Variants in KCNIP4 observed in about 807,000 individuals in gnomAD.
KCNIP4 encodes potassium voltage-gated channel interacting protein 4.
A neutral mutation model predicts 34.0 loss-of-function variants in KCNIP4; 12 were observed. The ratio of observed to expected loss-of-function variants is 0.35; its 90% confidence interval spans 0.23 to 0.57. The LOEUF is 0.57. Ranked by LOEUF, KCNIP4 falls within the 20% of genes least tolerant of loss-of-function variation. The pLI, the probability that KCNIP4 is intolerant of heterozygous loss-of-function variation, is 0.83. For synonymous variants in KCNIP4, 124 were observed against 102.2 expected, an observed-to-expected ratio of 1.21 and a Z score of -1.29; for missense variants, 238 against 311.7, an observed-to-expected ratio of 0.76 and a Z score of 1.78.
At chr4:20,862,281 A>G (rs1722286897) in intron 2 of KCNIP4, among the ~76,000 whole-genome samples, 2 of 152,116 alleles carry the variant, frequency 1.3e-5, no homozygotes, top group South Asian at 4.2e-4. Context: ...CAGCCACTGC[A>G]CCTGGATGAG....
chr4:21,297,603 C>T (rs1441586723), intron 1 of KCNIP4, among the ~76,000 whole-genome samples: 1 of 152,092 alleles, frequency 6.6e-6, no homozygotes, highest in Non-Finnish European at 1.5e-5. Context: ...CATTTCGTCT[C>T]TCTGGGACTC....
intron 1 of KCNIP4, among the ~76,000 whole-genome samples, chr4:21,872,292 T>C (rs1725866357): frequency 2.0e-5 from 3 of 152,134 alleles, no homozygotes; most frequent in South Asian, 4.2e-4. Context: ...CGTGAACGCC[T>C]GGCATTCATC....
intron 1 of KCNIP4, among the ~76,000 whole-genome samples, chr4:21,148,075 A>G (rs1348019663): frequency 1.3e-5 from 2 of 152,104 alleles, no homozygotes; most frequent in Non-Finnish European, 2.9e-5. Context: ...AGACTACTCA[A>G]TGAATACTCA....
intron 1 of KCNIP4, among the ~76,000 whole-genome samples, chr4:21,663,087 T>C (rs1273762593): frequency 1.3e-5 from 2 of 152,314 alleles, no homozygotes; most frequent in East Asian, 3.9e-4. Flanking sequence ...TTTCAGGATA[T>C]CAGGGAAAAG....
chr4:21,303,147 G>A (rs533454180), intron 1 of KCNIP4, among the ~76,000 whole-genome samples: 1 of 152,174 alleles, frequency 6.6e-6, no homozygotes, highest in African/African-American at 2.4e-5. Context: ...ACAAAGAGGT[G>A]ATTGATAAGG....
chr4:21,445,110 C>T (rs946356153), intron 1 of KCNIP4, among the ~76,000 whole-genome samples: 4 of 152,094 alleles, frequency 2.6e-5, no homozygotes, highest in African/African-American at 7.2e-5. Flanking sequence ...AACCACTGCT[C>T]AGTGAAATAA....
chr4:21,392,287 C>G (rs1178169879), intron 1 of KCNIP4, among the ~76,000 whole-genome samples: 1 of 149,846 alleles, frequency 6.7e-6, no homozygotes, highest in Non-Finnish European at 1.5e-5. Context: ...TAATTTTTGT[C>G]TTGATTGTGT....
chr4:21,520,628 C>A (rs1049461132), intron 1 of KCNIP4, among the ~76,000 whole-genome samples: 1 of 152,082 alleles, frequency 6.6e-6, no homozygotes, highest in African/African-American at 2.4e-5. Flanking sequence ...CAGTGTGTAG[C>A]CCTGAGTAAG....
At chr4:20,858,033 C>A (rs1262816572) in intron 2 of KCNIP4, among the ~76,000 whole-genome samples, 1 of 151,332 alleles carries the variant, frequency 6.6e-6, no homozygotes, top group African/African-American at 2.4e-5. Flanking sequence ...CATGGCAAAA[C>A]CCCCCATCTC....
chr4:21,768,591 C>A (rs56329622), intron 1 of KCNIP4, among the ~76,000 whole-genome samples: 22,568 of 152,074 alleles, frequency 0.15, 5,633 homozygotes, highest in African/African-American at 0.51. Context: ...AAGCACCAAA[C>A]TTTATTTTTA....
chr4:20,732,705 T>C lies in KCNIP4; in HGVS notation c.618A>G (p.Arg206=), dbSNP rs151298217. ...CCTGAAAAAATGTTTCAACGTGTTG[T>C]CTGGGAGCATCTTCTTTGAGGACAG... ...TYPVLKEDAP[R]QHVETFFQKM... is the part of the protein sequence containing the mutation. The change falls in exon 7 of 9, where the codon AGA becomes AGG. Residue 206 remains arginine (R), a synonymous_variant. Coordinates refer to ENST00000382152, the MANE Select transcript of KCNIP4 (RefSeq NM_025221.6). 4.3e-6 allele frequency: 7 copies of C among 1,611,832 alleles called. No individual in the cohort carries two copies. The African/African-American group carries it at 8.0e-5, about 18-fold the overall frequency.
In KCNIP4 at chr4:21,013,031, C is replaced by T. The variant is rs183554436; in HGVS notation, c.62-130322G>A. ...TGAGCACAGAGGAAACTTCTCACTG[C>T]GAAGCTGAGAATGAACTGAAATGAT... is the stretch of plus-strand genomic sequence containing the variant. On this transcript the variant is annotated intron_variant, in intron 1 of 8. Transcript: ENST00000382152. Among the ~76,000 whole-genome samples the T allele has an allele frequency of 1.9e-3, 291 of 152,180 alleles. 6 individuals are homozygous for T. In the South Asian group the frequency reaches 0.053, roughly 28 times the overall value.
At chr4:20,749,604 C>G in intron 5 of KCNIP4, 58 bp downstream of exon 5, 1 of 1,181,974 alleles carries the variant, frequency 8.5e-7, no homozygotes, top group South Asian at 1.4e-5. Flanking sequence ...TCACATTTTC[C>G]CCCTAAAAAG....
At chr4:21,699,582 G>C (rs375673689) in intron 1 of KCNIP4, among the ~76,000 whole-genome samples, 1 of 152,106 alleles carries the variant, frequency 6.6e-6, no homozygotes, top group Non-Finnish European at 1.5e-5. Flanking sequence ...GAGATGTTTA[G>C]GGTAAAGGGC....
chr4:21,316,406 T>C (rs1713765299), intron 1 of KCNIP4: 1 of 152,112 alleles, frequency 6.6e-6, no homozygotes, highest in African/African-American at 2.4e-5. Context: ...ACAAGGAAGA[T>C]TTAAGCCAAA....
At chr4:21,133,120 A>G (rs1490286188) in intron 1 of KCNIP4, among the ~76,000 whole-genome samples, 1 of 152,198 alleles carries the variant, frequency 6.6e-6, no homozygotes, top group Non-Finnish European at 1.5e-5. Flanking sequence ...ACACATGCTA[A>G]GATTTCCCTT....
At chr4:21,108,809 T>A (rs1748840340) in intron 1 of KCNIP4, among the ~76,000 whole-genome samples, 1 of 152,118 alleles carries the variant, frequency 6.6e-6, no homozygotes, top group African/African-American at 2.4e-5. Context: ...TTGGTTTTCC[T>A]TCTGACAGAC....
chr4:20,732,362 A>G (rs1748522678), intron 7 of KCNIP4, among the ~76,000 whole-genome samples: 1 of 152,126 alleles, frequency 6.6e-6, no homozygotes, highest in African/African-American at 2.4e-5. Context: ...AAACTTTCAG[A>G]GCTTGCTTTT....
intron 1 of KCNIP4, among the ~76,000 whole-genome samples, chr4:21,112,748 C>A (rs564373404): frequency 6.6e-6 from 1 of 152,150 alleles, no homozygotes; most frequent in African/African-American, 2.4e-5. Context: ...GCCTACCAGG[C>A]CCCTAAATAT....
Sources: gnomAD v4.1 joint callset for allele counts (sites outside exome capture counted in the v4.1 genomes callset) on GRCh38, gnomAD v4.1.1 for gene constraint, MANE v1.5 for transcripts, NCBI Gene and HGNC (gene_info 2026-07-23, HGNC 2026-07-21) for gene names.